CAMTA1: variants seen among roughly 807,000 people sequenced by gnomAD.
The protein encoded by CAMTA1 is calmodulin binding transcription activator 1, also known as calmodulin-binding transcription activator 1.
Under a neutral mutation model 170.9 loss-of-function variants are expected in CAMTA1, and 27 were observed. That is an observed-to-expected ratio of 0.16 (90% confidence interval 0.12 to 0.22). The LOEUF (loss-of-function observed/expected upper bound fraction) is 0.22. Among genes scored for constraint, CAMTA1 ranks in the 10% least tolerant of loss-of-function variants. The pLI is 1.00. For synonymous variants in CAMTA1, 833 were observed against 891.5 expected (o/e 0.93, Z 1.17); for missense variants, 1,619 against 2,217.2 (o/e 0.73, Z 5.42).
chr1:7,288,178 G>A (rs1672618376), intron 5 of CAMTA1, among the ~76,000 whole-genome samples: 1 of 152,192 alleles, frequency 6.6e-6, no homozygotes, highest in Non-Finnish European at 1.5e-5. Flanking sequence ...GAATAAGACT[G>A]TGTGACTCTG....
Position 7,570,777 on chromosome 1 carries a change from G to A in CAMTA1, c.511-69623G>A, listed in dbSNP as rs1044670595. 3.3e-5 allele frequency among the ~76,000 whole-genome samples: 5 copies of A among 152,176 alleles called. No homozygotes were observed. The highest frequency in any genetic ancestry group is 7.2e-5 in the African/African-American group (3 of 41,450). ...CCTCTGCTCTCCATCACCCCCCACC[G>A]CAGAGGGAAAATCAGTGTTATCATG... On this transcript the variant is annotated intron_variant, in intron 6 of 22. Coordinates refer to ENST00000303635, the MANE Select transcript of CAMTA1 (RefSeq NM_015215.4). The surrounding 1 kb of genome is among the most constrained non-coding windows in gnomAD (Gnocchi z 4.3).
At chr1:7,123,757 C>A (rs931814813) in intron 4 of CAMTA1, among the ~76,000 whole-genome samples, 3 of 152,146 alleles carry the variant, frequency 2.0e-5, no homozygotes, top group Non-Finnish European at 4.4e-5. Context: ...ACCCCCACAG[C>A]CCCTCAATTC....
chr1:7,037,166 T>G (rs1222346952), intron 3 of CAMTA1, among the ~76,000 whole-genome samples: 1 of 152,238 alleles, frequency 6.6e-6, no homozygotes, highest in Non-Finnish European at 1.5e-5. Flanking sequence ...GCTCATTTGT[T>G]TAGTTCTTTC....
At position 6,947,536 on chromosome 1, in the gene CAMTA1, A is replaced by G. The variant is rs200581842; in HGVS notation, c.234+122326A>G. Among the ~76,000 whole-genome samples the G allele has an allele frequency of 4.3e-5, 6 of 140,334 alleles. No individual in the cohort carries two copies. The East Asian group carries it at 1.3e-3, about 31-fold the overall frequency. 92.1% of individuals were successfully genotyped at this position (140,334 alleles called of 152,430 possible). ...GCTGGGATTACAGGCGCGTGTCACC[A>G]TGCCTGACTAATTTTTTTTTTTTTT... On this transcript the variant is annotated intron_variant, in intron 3 of 22. Transcript: ENST00000303635.
At chr1:7,583,565 C>A (rs1173014810) in intron 6 of CAMTA1, among the ~76,000 whole-genome samples, 1 of 152,098 alleles carries the variant, frequency 6.6e-6, no homozygotes, top group African/African-American at 2.4e-5. Context: ...TGGGGTAGGA[C>A]CCAGCAGTCT....
intron 5 of CAMTA1, among the ~76,000 whole-genome samples, chr1:7,411,407 C>G (rs1011403625): frequency 1.3e-5 from 2 of 152,036 alleles, no homozygotes; most frequent in African/African-American, 4.8e-5. Flanking sequence ...GGCGTGGTGA[C>G]ACGGCCCTGT....
At position 6,844,690 on chromosome 1, in the gene CAMTA1, CAAAAAAA is replaced by C. The variant is rs1180942073; in HGVS notation, c.234+19498_234+19504del. 9.9e-3 allele frequency among the ~76,000 whole-genome samples: 516 copies of C among 52,058 alleles called. 9 individuals carry two copies. The highest frequency in any genetic ancestry group is 0.041 in the African/African-American group (498 of 12,238). 34.2% of individuals were successfully genotyped at this position (52,058 alleles called of 152,430 possible). ...GACAGAGTGAGAGAGACCCTGTGTC[CAAAAAAA>C]AAAAAAAAAAAAAAAAAGTTTACTG... On this transcript the variant is annotated intron_variant, in intron 3 of 22. Coordinates refer to ENST00000303635, the MANE Select transcript of CAMTA1 (RefSeq NM_015215.4).
At chr1:7,239,070 A>G (rs1360178421) in intron 4 of CAMTA1, among the ~76,000 whole-genome samples, 1 of 152,146 alleles carries the variant, frequency 6.6e-6, no homozygotes, top group African/African-American at 2.4e-5. Flanking sequence ...TCTTGTTATT[A>G]TACCATGGTC....
intron 5 of CAMTA1, among the ~76,000 whole-genome samples, chr1:7,457,449 C>CG (rs2092985001): frequency 6.6e-6 from 1 of 152,008 alleles, no homozygotes; most frequent in Non-Finnish European, 1.5e-5. Flanking sequence ...GGCAGAGGCA[C>CG]GGGTGCCAGC....
intron 6 of CAMTA1, among the ~76,000 whole-genome samples, chr1:7,498,375 ATGAGTGGATGTGTG>A (rs2093876379): frequency 1.4e-5 from 2 of 143,034 alleles, no homozygotes. Flanking sequence ...ATGTGTGTGT[ATGAGTGGATGTGTG>A]TGAGTGAATG....
At chr1:6,893,551 T>C (rs1290430418) in intron 3 of CAMTA1, among the ~76,000 whole-genome samples, 1 of 152,226 alleles carries the variant, frequency 6.6e-6, no homozygotes, top group Non-Finnish European at 1.5e-5. Flanking sequence ...TCATCCCTGT[T>C]GATTAGGTTT....
intron 4 of CAMTA1, among the ~76,000 whole-genome samples, chr1:7,197,025 T>G (rs1655649654): frequency 6.6e-6 from 1 of 152,234 alleles, no homozygotes; most frequent in African/African-American, 2.4e-5. Flanking sequence ...AATTAAGAAT[T>G]TTTAATGCAT....
chr1:7,529,413 T>C (rs2094466606), intron 6 of CAMTA1, among the ~76,000 whole-genome samples: 1 of 152,142 alleles, frequency 6.6e-6, no homozygotes, highest in Non-Finnish European at 1.5e-5. Flanking sequence ...CCTCCTGGCC[T>C]TGCACTGACC....
intron 4 of CAMTA1, among the ~76,000 whole-genome samples, chr1:7,165,433 T>G (rs1302611472): frequency 6.6e-6 from 1 of 152,120 alleles, no homozygotes; most frequent in African/African-American, 2.4e-5. Context: ...CATGCTTCTT[T>G]TCTTTTCTTT....
intron 6 of CAMTA1, among the ~76,000 whole-genome samples, chr1:7,631,711 C>T (rs2095670425): frequency 1.3e-5 from 2 of 152,166 alleles, no homozygotes; most frequent in African/African-American, 4.8e-5. Context: ...AGCAGGCGCC[C>T]GCGTGCCCTG....
At chr1:6,911,474 A>G (rs1206001658) in intron 3 of CAMTA1, among the ~76,000 whole-genome samples, 1 of 152,182 alleles carries the variant, frequency 6.6e-6, no homozygotes, top group Non-Finnish European at 1.5e-5. Flanking sequence ...GGCCCTGTGC[A>G]GTGTCTTCCT....
intron 4 of CAMTA1, among the ~76,000 whole-genome samples, chr1:7,140,831 A>G (rs1186138225): frequency 2.0e-5 from 3 of 152,142 alleles, no homozygotes; most frequent in Non-Finnish European, 4.4e-5. Flanking sequence ...AATGGTTTTC[A>G]AGTACATCAG....
At chr1:6,803,790 C>G (rs954049904) in intron 1 of CAMTA1, among the ~76,000 whole-genome samples, 1 of 152,160 alleles carries the variant, frequency 6.6e-6, no homozygotes, top group South Asian at 2.1e-4. Context: ...TCGTAGCTCA[C>G]TGGCACCTTG....
intron 6 of CAMTA1, among the ~76,000 whole-genome samples, chr1:7,495,140 C>A (rs1287162757): frequency 6.6e-6 from 1 of 152,188 alleles, no homozygotes; most frequent in Non-Finnish European, 1.5e-5. Context: ...ATAAGAGATG[C>A]AAACTTATAA....
Sources: gnomAD v4.1 joint callset for allele counts (sites outside exome capture counted in the v4.1 genomes callset) on GRCh38, gnomAD v4.1.1 for gene constraint, Gnocchi (gnomAD v3.1) non-coding constraint, MANE v1.5 for transcripts, NCBI Gene and HGNC (gene_info 2026-07-23, HGNC 2026-07-21) for gene names.